MALRD1: variants seen among roughly 807,000 people sequenced by gnomAD.
The protein encoded by MALRD1 is MAM and LDL-receptor class A domain-containing protein 1.
MALRD1 carries 247 observed loss-of-function variants against 242.1 expected under a neutral mutation model. The ratio of observed to expected loss-of-function variants is 1.02; its 90% confidence interval spans 0.92 to 1.13. The LOEUF is 1.13. MALRD1 is among the 50% of genes most tolerant of loss of function. MALRD1 has a pLI of 0.00. For missense variants in MALRD1, 2,989 were observed against 2,533.1 expected, an observed-to-expected ratio of 1.18 and a Z score of -3.86; for synonymous variants, 995 against 866.6, an observed-to-expected ratio of 1.15 and a Z score of -2.60.
intron 29 of MALRD1, among the ~76,000 whole-genome samples, chr10:19,452,981 C>T (rs138218058): frequency 4.6e-5 from 7 of 152,172 alleles, no homozygotes; most frequent in Admixed American, 6.5e-5. Context: ...TTTCATCATA[C>T]GTTTACATGA....
chr10:19,300,377 A>G lies in MALRD1; in HGVS notation c.3419+17196A>G, dbSNP rs115886872. 1.4e-3 allele frequency among the ~76,000 whole-genome samples: 208 copies of G among 152,160 alleles called. 1 individual carries two copies. The highest frequency in any genetic ancestry group is 4.8e-3 in the African/African-American group (201 of 41,542). On this transcript the variant is annotated intron_variant, in intron 21 of 39. Transcript: ENST00000454679. ...TTCAAAAAACTATTCTAAAATTAAT[A>G]TGCAATCAAAAAAGAGCCTGAATAG...
intron 29 of MALRD1, among the ~76,000 whole-genome samples, chr10:19,460,635 A>G (rs1460834153): frequency 6.6e-6 from 1 of 152,178 alleles, no homozygotes; most frequent in Non-Finnish European, 1.5e-5. Flanking sequence ...AGTTTAAAGT[A>G]TCTGAATTCC....
At chr10:19,200,012 C>G (rs1836451044) in intron 14 of MALRD1, among the ~76,000 whole-genome samples, 1 of 151,906 alleles carries the variant, frequency 6.6e-6, no homozygotes, top group Non-Finnish European at 1.5e-5. Flanking sequence ...ACCTGTGTTC[C>G]CAGCTACTCA....
intron 26 of MALRD1, among the ~76,000 whole-genome samples, chr10:19,363,038 C>A (rs189378666): frequency 6.5e-4 from 99 of 152,144 alleles, no homozygotes; most frequent in African/African-American, 2.3e-3. Context: ...AGAGTTCAGG[C>A]ATTCAATTTG....
In MALRD1 at chr10:19,692,557, A is replaced by G. The variant is rs909476668; in HGVS notation, c.6314+3A>G. On this transcript the variant is annotated splice_donor_region_variant and intron_variant, in intron 38 of 39. Coordinates refer to ENST00000454679, the MANE Select transcript of MALRD1 (RefSeq NM_001142308.3). ...GCAAACAGAAAGGTACCAATAAGGT[A>G]AGTGATGCCTTTAGTTGCTAAATGA... 1.3e-6 allele frequency: 2 copies of G among 1,530,234 alleles called. No homozygotes were observed. Among genetic ancestry groups the G allele is most frequent in the South Asian group, 2.4e-5 (2 of 83,528 alleles). The allele number at this position is 1,530,234 out of a possible 1,614,324, so 94.8% of individuals were successfully genotyped here.
At chr10:19,586,520 C>T (rs561349060) in intron 33 of MALRD1, among the ~76,000 whole-genome samples, 54 of 152,282 alleles carry the variant, frequency 3.5e-4, no homozygotes, top group African/African-American at 1.3e-3. Context: ...TGGTGGGTCC[C>T]TCCCAGTTAG....
In MALRD1 at chr10:19,104,355, A is replaced by G. The variant is rs1403397627; in HGVS notation, c.694+280A>G. On this transcript the variant is annotated intron_variant, in intron 5 of 39. Transcript: ENST00000454679. Reference sequence around the variant, plus strand: ...ACAACGGCTAAAGTTAAATCTTAACAAGAGAACTCTGTGCCTTCTAGGAGA... The same window carrying G: ...ACAACGGCTAAAGTTAAATCTTAACGAGAGAACTCTGTGCCTTCTAGGAGA... Among the ~76,000 whole-genome samples the G allele has an allele frequency of 2.6e-5, 4 of 152,176 alleles. No homozygotes were observed. In the East Asian group the frequency reaches 5.8e-4, roughly 22 times the overall value.
At chr10:19,372,624 C>T (rs994739499) in intron 26 of MALRD1, among the ~76,000 whole-genome samples, 5 of 151,744 alleles carry the variant, frequency 3.3e-5, no homozygotes, top group South Asian at 2.1e-4. Flanking sequence ...CTCATTATCA[C>T]GCCTGGCTAA....
intron 29 of MALRD1, among the ~76,000 whole-genome samples, chr10:19,454,431 T>TATATATACATAC (rs1011890675): frequency 7.3e-6 from 1 of 136,712 alleles, no homozygotes; most frequent in South Asian, 2.2e-4. Flanking sequence ...TATATATATA[T>TATATATACATAC]AATTATATGA....
In MALRD1 at chr10:19,128,362, T is replaced by TGAGAGTAA; in HGVS notation, c.1088_1095dup (p.Leu366GlufsTer2). 1 of 1,233,186 alleles carries TGAGAGTAA rather than the reference T, an allele frequency of 8.1e-7. No individual in the cohort carries two copies. The highest frequency in any genetic ancestry group is 1.0e-6 in the Non-Finnish European group (1 of 987,572). The allele number at this position is 1,233,186 out of a possible 1,614,324, so 76.4% of individuals were successfully genotyped here. A position where few individuals can be genotyped will look rare whatever the true frequency, so the allele number is the denominator to read the frequency against. On this transcript the variant is annotated frameshift_variant, in exon 8 of 40. Coordinates refer to ENST00000454679, the MANE Select transcript of MALRD1 (RefSeq NM_001142308.3). LOFTEE classifies it high-confidence loss of function. ...TATTATGCAATGGAAAGCAGTGTCC[T>TGAGAGTAA]GAGAGTAAGACTGTATAATAATAAG... is the stretch of plus-strand genomic sequence containing the variant.
At chr10:19,165,196 A>C (rs922364823) in intron 12 of MALRD1, among the ~76,000 whole-genome samples, 1 of 144,540 alleles carries the variant, frequency 6.9e-6, no homozygotes, top group African/African-American at 2.6e-5. Flanking sequence ...CACATCTGGG[A>C]GAAAGGAGAA....
rs1362607398 is a variant in MALRD1, at chr10:19,384,492, TATA to T, written c.4442-3032_4442-3030del. ...ACTATATATTATATAGTGTATGTAA[TATA>T]ATATTTACTATATATTATATATTAT... On this transcript the variant is annotated intron_variant, in intron 26 of 39. Coordinates refer to ENST00000454679, the MANE Select transcript of MALRD1 (RefSeq NM_001142308.3). Among the ~76,000 whole-genome samples the T allele has an allele frequency of 1.2e-4, 14 of 118,948 alleles. 1 individual carries two copies. The highest frequency in any genetic ancestry group is 2.2e-4 in the South Asian group (1 of 4,472). The allele number at this position is 118,948 out of a possible 152,430, so 78.0% of individuals were successfully genotyped here. A position where few individuals can be genotyped will look rare whatever the true frequency, so the allele number is the denominator to read the frequency against.
At chr10:19,698,468 C>T (rs1304478609) in intron 38 of MALRD1, among the ~76,000 whole-genome samples, 1 of 152,180 alleles carries the variant, frequency 6.6e-6, no homozygotes, top group African/African-American at 2.4e-5. Context: ...TCTCTTTCCT[C>T]TTCCCAGTCT....
At chr10:19,271,074 A>G (rs1351307197) in intron 19 of MALRD1, among the ~76,000 whole-genome samples, 1 of 152,194 alleles carries the variant, frequency 6.6e-6, no homozygotes, top group Non-Finnish European at 1.5e-5. Context: ...CTGGTTTGGC[A>G]TTATCTCCTA....
Position 19,719,235 on chromosome 10 carries a change from T to TACACATACATAC in MALRD1, c.6315-11470_6315-11469insCACATACATACA, listed in dbSNP as rs745328536. Among the ~76,000 whole-genome samples the TACACATACATAC allele has an allele frequency of 3.9e-4, 45 of 116,224 alleles. 2 individuals are homozygous for TACACATACATAC. Among genetic ancestry groups the TACACATACATAC allele is most frequent in the Admixed American group, 2.4e-3 (24 of 10,196 alleles). 76.2% of individuals were successfully genotyped at this position (116,224 alleles called of 152,430 possible). A position where few individuals can be genotyped will look rare whatever the true frequency, so the allele number is the denominator to read the frequency against. On this transcript the variant is annotated intron_variant, in intron 38 of 39. Coordinates refer to ENST00000454679, the MANE Select transcript of MALRD1 (RefSeq NM_001142308.3). ...ATACACATACATACATATATATATA[T>TACACATACATAC]ATATATATATATATATATATATATG...
intron 18 of MALRD1, among the ~76,000 whole-genome samples, chr10:19,230,697 GA>G (rs1838013596): frequency 1.3e-5 from 2 of 152,104 alleles, no homozygotes; most frequent in Non-Finnish European, 2.9e-5. Flanking sequence ...CAGGTTCTGG[GA>G]AAAGGGAGAG....
intron 18 of MALRD1, among the ~76,000 whole-genome samples, chr10:19,247,273 C>A (rs1349443967): frequency 6.6e-6 from 1 of 151,730 alleles, no homozygotes; most frequent in Non-Finnish European, 1.5e-5. Flanking sequence ...AATTAATGAC[C>A]CTCAACATGT....
chr10:19,665,248 A>AAAAC (rs898326943), intron 36 of MALRD1, among the ~76,000 whole-genome samples: 14 of 152,122 alleles, frequency 9.2e-5, no homozygotes, highest in Middle Eastern at 6.3e-3. Flanking sequence ...AAGACAAAAC[A>AAAAC]AAACAAACAA....
intron 35 of MALRD1, 133 bp from the exon 36 acceptor site, chr10:19,615,724 C>A (rs528162858): frequency 8.3e-5 from 58 of 697,154 alleles, no homozygotes; most frequent in Non-Finnish European, 1.2e-4. Context: ...TATGGGAATT[C>A]TTTTGCTTTT....
Sources: gnomAD v4.1 joint callset for allele counts (sites outside exome capture counted in the v4.1 genomes callset) on GRCh38, gnomAD v4.1.1 for gene constraint, MANE v1.5 for transcripts, NCBI Gene and HGNC (gene_info 2026-07-23, HGNC 2026-07-21) for gene names.